The following RUNDC3B variants were observed in gnomAD, a reference collection of about 807,000 sequenced individuals.
RUNDC3B encodes the protein RUN domain containing 3B.
Under a neutral mutation model 58.4 loss-of-function variants are expected in RUNDC3B, and 33 were observed. That is an observed-to-expected ratio of 0.56 (90% CI 0.43 to 0.75). RUNDC3B has a LOEUF of 0.75. RUNDC3B is among the 30% of genes least tolerant of loss of function. The probability of loss-of-function intolerance (pLI) is 0.00; values close to 1 mark genes in which losing one functional copy is unlikely to be tolerated. For missense variants in RUNDC3B, 501 were observed against 535.7 expected (o/e 0.94, Z 0.64); for synonymous variants, 193 against 195.2 (o/e 0.99, Z 0.10).
At chr7:87,722,617 C>G (rs925321646) in intron 4 of RUNDC3B, among the ~76,000 whole-genome samples, 1 of 152,126 alleles carries the variant, frequency 6.6e-6, no homozygotes, top group Non-Finnish European at 1.5e-5. Context: ...ACCATAATTC[C>G]TTTGACGAGT....
At chr7:87,693,926 G>T in intron 2 of RUNDC3B, 8 of 1,610,360 alleles carry the variant, frequency 5.0e-6, no homozygotes, top group Non-Finnish European at 5.9e-6. Context: ...CAAAGTTGCA[G>T]ATGGCTGGCT....
intron 8 of RUNDC3B, among the ~76,000 whole-genome samples, chr7:87,799,885 C>CAAAA (rs763617668): frequency 1.7e-4 from 10 of 59,240 alleles, no homozygotes; most frequent in Non-Finnish European, 2.6e-4. Flanking sequence ...GACTCCGTCT[C>CAAAA]AAAAAAAAAA....
At chr7:87,643,430 G>A (rs537923835) in intron 1 of RUNDC3B, among the ~76,000 whole-genome samples, 1 of 151,990 alleles carries the variant, frequency 6.6e-6, no homozygotes, top group East Asian at 1.9e-4. Context: ...ATATGTGAAA[G>A]GTATTTTTTC....
chr7:87,749,919 G>A (rs1415316472), intron 6 of RUNDC3B, among the ~76,000 whole-genome samples: 1 of 150,958 alleles, frequency 6.6e-6, no homozygotes, highest in East Asian at 1.9e-4. Context: ...GGGTACATGT[G>A]CACAATGTGC....
intron 6 of RUNDC3B, among the ~76,000 whole-genome samples, chr7:87,754,828 T>C (rs1480169068): frequency 6.6e-6 from 1 of 150,638 alleles, no homozygotes; most frequent in African/African-American, 2.4e-5. Context: ...CTACAGGAGA[T>C]AGATAAATTC....
intron 7 of RUNDC3B, among the ~76,000 whole-genome samples, chr7:87,773,322 C>CAAAA (rs760846940): frequency 8.6e-5 from 5 of 58,072 alleles, no homozygotes; most frequent in Admixed American, 1.7e-4. Context: ...GACTCCGTCT[C>CAAAA]AAAAAAAAAA....
intron 2 of RUNDC3B, 131 bp from the exon 3 acceptor site, chr7:87,700,290 A>G (rs1304747491): frequency 8.8e-6 from 6 of 678,178 alleles, no homozygotes; most frequent in Non-Finnish European, 1.2e-5. Context: ...TTTGACACCT[A>G]GATTGGTGGT....
intron 10 of RUNDC3B, among the ~76,000 whole-genome samples, chr7:87,817,056 G>T (rs764445508): frequency 2.0e-5 from 3 of 152,054 alleles, no homozygotes; most frequent in Non-Finnish European, 4.4e-5. Flanking sequence ...GAGAGCTAGG[G>T]GAAGAAAGAT....
At chr7:87,792,435 G>A (rs979459517) in intron 8 of RUNDC3B, among the ~76,000 whole-genome samples, 1 of 152,028 alleles carries the variant, frequency 6.6e-6, no homozygotes, top group Non-Finnish European at 1.5e-5. Flanking sequence ...GCACATGGAT[G>A]ATTCTCAAGG....
chr7:87,804,397 A>C (rs1461909495), intron 8 of RUNDC3B, among the ~76,000 whole-genome samples: 1 of 152,160 alleles, frequency 6.6e-6, no homozygotes, highest in African/African-American at 2.4e-5. Context: ...TATGTAGCTT[A>C]AAATCCATAT....
chr7:87,643,648 G>T (rs1397763220), intron 1 of RUNDC3B, among the ~76,000 whole-genome samples: 1 of 151,614 alleles, frequency 6.6e-6, no homozygotes, highest in East Asian at 1.9e-4. Flanking sequence ...AGCCTCCTGA[G>T]TAGCTGGGAC....
intron 4 of RUNDC3B, among the ~76,000 whole-genome samples, chr7:87,713,984 A>G (rs1259456367): frequency 6.6e-6 from 1 of 152,242 alleles, no homozygotes; most frequent in African/African-American, 2.4e-5. Flanking sequence ...ATGTTTTAGC[A>G]CAAATTGAAG....
rs78365005 is a variant in RUNDC3B, at chr7:87,709,266, G to T, written c.373-1304G>T. 1.9e-5 allele frequency: 19 copies of T among 985,222 alleles called. No homozygotes were observed. In the East Asian group the frequency reaches 2.2e-3, roughly 112 times the overall value. 61.0% of individuals were successfully genotyped at this position (985,222 alleles called of 1,614,324 possible). A position where few individuals can be genotyped will look rare whatever the true frequency, so the allele number is the denominator to read the frequency against. ...TAGTCTCCTGTGCTGAATTGTCTCTGGAGAGCAACTTTCTTGACTTCATTG... is the reference window on the plus strand; with the variant it reads ...TAGTCTCCTGTGCTGAATTGTCTCTTGAGAGCAACTTTCTTGACTTCATTG... On this transcript the variant is annotated intron_variant, in intron 3 of 10. Coordinates refer to ENST00000394654, the MANE Select transcript of RUNDC3B (RefSeq NM_001134405.2).
intron 4 of RUNDC3B, among the ~76,000 whole-genome samples, chr7:87,725,109 A>G (rs1831139015): frequency 6.6e-6 from 1 of 152,154 alleles, no homozygotes; most frequent in South Asian, 2.1e-4. Context: ...TTTTTATTAT[A>G]CTTTAAGTTC....
intron 6 of RUNDC3B, among the ~76,000 whole-genome samples, chr7:87,766,687 G>A (rs1563195581): frequency 3.3e-5 from 5 of 151,502 alleles, no homozygotes; most frequent in African/African-American, 1.2e-4. Context: ...TTTCTTTCAC[G>A]TTGACCTTGG....
chr7:87,686,185 C>T (rs1381054897), intron 2 of RUNDC3B, among the ~76,000 whole-genome samples: 2 of 152,142 alleles, frequency 1.3e-5, no homozygotes, highest in East Asian at 1.9e-4. Flanking sequence ...ATTCTCTTTA[C>T]CTCATTCATT....
intron 1 of RUNDC3B, among the ~76,000 whole-genome samples, chr7:87,638,345 T>TTGTGTG (rs71524692): frequency 0.032 from 4,699 of 144,730 alleles, 138 homozygotes; most frequent in African/African-American, 0.076. Context: ...AAGTATGTGT[T>TTGTGTG]TGTGTGTGTG....
intron 9 of RUNDC3B, among the ~76,000 whole-genome samples, chr7:87,813,467 T>G (rs1320754076): frequency 6.6e-6 from 1 of 152,152 alleles, no homozygotes; most frequent in African/African-American, 2.4e-5. Context: ...TATTTTATAC[T>G]GTTTGTAACT....
chr7:87,637,457 T>C (rs943780431), intron 1 of RUNDC3B, among the ~76,000 whole-genome samples: 5 of 152,218 alleles, frequency 3.3e-5, no homozygotes, highest in African/African-American at 1.2e-4. Context: ...AAAATATTTT[T>C]CTGGGATTTT....
Sources: gnomAD v4.1 joint callset for allele counts (sites outside exome capture counted in the v4.1 genomes callset) on GRCh38, gnomAD v4.1.1 for gene constraint, MANE v1.5 for transcripts, NCBI Gene and HGNC (gene_info 2026-07-23, HGNC 2026-07-21) for gene names.